The following LTBP1 variants were observed in gnomAD, a reference collection of about 807,000 sequenced individuals.
LTBP1 encodes latent transforming growth factor beta binding protein 1.
A neutral mutation model predicts 207.6 loss-of-function variants in LTBP1; 129 were observed. That is an observed-to-expected ratio of 0.62 (90% CI 0.54 to 0.72). The LOEUF (loss-of-function observed/expected upper bound fraction) is 0.72, where lower values mean the gene tolerates loss of function less well. Among genes scored for constraint, LTBP1 ranks in the 30% least tolerant of loss-of-function variants. The pLI is 0.00. For synonymous variants in LTBP1, 963 were observed against 833.7 expected, an observed-to-expected ratio of 1.16 and a Z score of -2.67; for missense variants, 2,281 against 2,217.2, an observed-to-expected ratio of 1.03 and a Z score of -0.58.
intron 15 of LTBP1, among the ~76,000 whole-genome samples, chr2:33,272,461 A>G (rs1447622962): frequency 6.6e-6 from 1 of 152,220 alleles, no homozygotes; most frequent in East Asian, 1.9e-4. Flanking sequence ...ATAATAGCCC[A>G]AGGTAGTATT....
chr2:33,132,756 T>A (rs1233745257), intron 4 of LTBP1, among the ~76,000 whole-genome samples: 1 of 152,184 alleles, frequency 6.6e-6, no homozygotes, highest in Non-Finnish European at 1.5e-5. Context: ...AATGGAGGGC[T>A]TTCTCCTCCA....
chr2:33,256,212 G>C (rs1473180250), intron 11 of LTBP1, among the ~76,000 whole-genome samples: 1 of 151,894 alleles, frequency 6.6e-6, no homozygotes, highest in Admixed American at 6.6e-5. Flanking sequence ...CCCAGTTGTT[G>C]TTCCTTTACT....
chr2:32,995,156 C>T (rs561027600), intron 2 of LTBP1, among the ~76,000 whole-genome samples: 185 of 152,002 alleles, frequency 1.2e-3, no homozygotes, highest in African/African-American at 3.8e-3. Flanking sequence ...TGCACTCCAG[C>T]CTGGCAACAG....
intron 2 of LTBP1, among the ~76,000 whole-genome samples, chr2:32,951,582 A>G (rs1677115456): frequency 6.6e-6 from 1 of 152,168 alleles, no homozygotes; most frequent in African/African-American, 2.4e-5. Context: ...CTAAATTCAA[A>G]TGCTGCAGCC....
At chr2:33,305,216 CA>C (rs2094067437) in intron 22 of LTBP1, among the ~76,000 whole-genome samples, 1 of 151,938 alleles carries the variant, frequency 6.6e-6, no homozygotes, top group South Asian at 2.1e-4. Context: ...CCCAACTACT[CA>C]GGAGGCTGAG....
chr2:33,357,144 G>C (rs977055402), intron 26 of LTBP1, among the ~76,000 whole-genome samples: 2 of 152,154 alleles, frequency 1.3e-5, no homozygotes, highest in Admixed American at 1.3e-4. Flanking sequence ...GATTAGACAT[G>C]TATGGGGAAA....
intron 3 of LTBP1, among the ~76,000 whole-genome samples, chr2:33,041,610 G>A (rs2076189700): frequency 6.6e-6 from 1 of 152,148 alleles, no homozygotes; most frequent in African/African-American, 2.4e-5. Context: ...TATTCCCAGT[G>A]CCTAATCTGG....
intron 3 of LTBP1, among the ~76,000 whole-genome samples, chr2:33,058,206 C>T (rs1419561761): frequency 6.6e-6 from 1 of 152,104 alleles, no homozygotes; most frequent in Non-Finnish European, 1.5e-5. Flanking sequence ...TATAGAAATT[C>T]ATTAATATTT....
chr2:33,267,132 A>G (rs1299308061), intron 15 of LTBP1, among the ~76,000 whole-genome samples: 4 of 152,236 alleles, frequency 2.6e-5, no homozygotes, highest in Admixed American at 1.3e-4. Context: ...ACAGCCTCAC[A>G]TGAAGCCTGC....
chr2:33,049,780 G>T (rs954221549), intron 3 of LTBP1, among the ~76,000 whole-genome samples: 7 of 152,032 alleles, frequency 4.6e-5, no homozygotes, highest in Non-Finnish European at 7.4e-5. Flanking sequence ...TCTAATCCTG[G>T]TATAGAACAT....
At chr2:33,233,622 T>C (rs2091903409) in intron 9 of LTBP1, among the ~76,000 whole-genome samples, 1 of 152,122 alleles carries the variant, frequency 6.6e-6, no homozygotes, top group Non-Finnish European at 1.5e-5. Flanking sequence ...TTTTCCTTTT[T>C]CTGTCTAGCA....
rs543024738 is a variant in LTBP1 at position 33,342,809 on chromosome 2, G to A, written c.3731-29G>A. The A allele has an allele frequency of 1.5e-5, 24 of 1,609,392 alleles. No homozygotes were observed. The Admixed American group carries it at 4.0e-4, about 27-fold the overall frequency. On this transcript the variant is annotated intron_variant, in intron 24 of 33. Transcript: ENST00000404816. ...GTGTTTGTCAGCCTGTGTTTGTTTT[G>A]TGTCTGATGTTCCATGTCTTTTTTG... is the stretch of plus-strand genomic sequence containing the variant.
At chr2:32,961,711 T>G (rs1679143026) in intron 2 of LTBP1, among the ~76,000 whole-genome samples, 1 of 152,074 alleles carries the variant, frequency 6.6e-6, no homozygotes. Context: ...TTTGGGAGGC[T>G]GAGGCTGGCG....
At chr2:33,268,471 G>C (rs1383609773) in intron 15 of LTBP1, among the ~76,000 whole-genome samples, 1 of 152,180 alleles carries the variant, frequency 6.6e-6, no homozygotes, top group African/African-American at 2.4e-5. Context: ...TTCACATTTA[G>C]CTAAACACAC....
chr2:33,136,281 G>T (rs2082136492), intron 5 of LTBP1, among the ~76,000 whole-genome samples: 1 of 152,218 alleles, frequency 6.6e-6, no homozygotes, highest in African/African-American at 2.4e-5. Context: ...CAAGTCTAAT[G>T]GGAAGTGAAC....
intron 5 of LTBP1, among the ~76,000 whole-genome samples, chr2:33,149,734 C>A (rs2150961988): frequency 6.6e-6 from 1 of 152,192 alleles, no homozygotes; most frequent in East Asian, 1.9e-4. Context: ...GCACAGGAGG[C>A]ATTTTTTTTG....
chr2:33,043,702 G>A (rs1573269778), intron 3 of LTBP1, among the ~76,000 whole-genome samples: 1 of 152,202 alleles, frequency 6.6e-6, no homozygotes, highest in South Asian at 2.1e-4. Flanking sequence ...TGTTTTACAT[G>A]AAGTATTCCT....
At position 33,174,492 on chromosome 2, in the gene LTBP1, C is replaced by G. The variant is rs1260458626; in HGVS notation, c.1202-12364C>G. Among the ~76,000 whole-genome samples, 3 of 151,886 alleles carry G rather than the reference C, an allele frequency of 2.0e-5. No individual in the cohort carries two copies. In the East Asian group the frequency reaches 5.8e-4, roughly 29 times the overall value. On this transcript the variant is annotated intron_variant, in intron 5 of 33. Transcript: ENST00000404816. The stretch of plus-strand genomic sequence containing the variant: ...TCAAGGAGAACTACAAACCACTGCT[C>G]AATGAAATAAAAGAGGATACAAACA...
chr2:33,212,598 A>G (rs1231947033), intron 7 of LTBP1, among the ~76,000 whole-genome samples: 1 of 152,186 alleles, frequency 6.6e-6, no homozygotes. Flanking sequence ...ATGGGTTTCC[A>G]TGGTCAGCTC....
Sources: allele counts gnomAD v4.1 joint callset (sites outside exome capture counted in the v4.1 genomes callset), GRCh38; gene constraint gnomAD v4.1.1; transcripts MANE v1.5; gene names NCBI Gene and HGNC (gene_info 2026-07-23, HGNC 2026-07-21).